PITPNC1: variants seen among roughly 807,000 people sequenced by gnomAD.
PITPNC1 encodes phosphatidylinositol transfer protein cytoplasmic 1, also known as cytoplasmic phosphatidylinositol transfer protein 1.
Under a neutral mutation model 44.7 loss-of-function variants are expected in PITPNC1, and 18 were observed. The ratio of observed to expected loss-of-function variants is 0.40; its 90% confidence interval spans 0.28 to 0.60. PITPNC1 has a LOEUF of 0.60. Ranked by LOEUF, PITPNC1 falls within the 20% of genes least tolerant of loss-of-function variation. The pLI is 0.39. For missense variants in PITPNC1, 290 were observed against 418.4 expected (o/e 0.69, Z 2.68); for synonymous variants, 141 against 149.6 (o/e 0.94, Z 0.42).
At chr17:67,496,167 G>T (rs1019428193) in intron 1 of PITPNC1, among the ~76,000 whole-genome samples, 4 of 152,104 alleles carry the variant, frequency 2.6e-5, no homozygotes, top group Non-Finnish European at 5.9e-5. Context: ...AAATGCTGGG[G>T]AGCACAACTT....
intron 8 of PITPNC1, among the ~76,000 whole-genome samples, chr17:67,681,277 G>A (rs2042699914): frequency 6.6e-6 from 1 of 152,090 alleles, no homozygotes. Flanking sequence ...TGCATATGTA[G>A]TCAACAGGAT....
chr17:67,649,478 A>G (rs964972852), intron 6 of PITPNC1, among the ~76,000 whole-genome samples: 2 of 152,190 alleles, frequency 1.3e-5, no homozygotes, highest in Non-Finnish European at 2.9e-5. Context: ...TGTGTCTCCA[A>G]CCAGTTCAAT....
chr17:67,566,891 G>A (rs2040987493), intron 4 of PITPNC1, among the ~76,000 whole-genome samples: 1 of 152,212 alleles, frequency 6.6e-6, no homozygotes, highest in Non-Finnish European at 1.5e-5. Context: ...GAGCTAGACA[G>A]CCTGGCTTGA....
intron 6 of PITPNC1, among the ~76,000 whole-genome samples, chr17:67,653,222 G>A (rs1339785053): frequency 6.6e-6 from 1 of 152,062 alleles, no homozygotes; most frequent in Non-Finnish European, 1.5e-5. Flanking sequence ...GTGGAGGTTG[G>A]ATGGCACCAC....
Position 67,693,102 on chromosome 17 carries a change from G to C in PITPNC1, c.*214G>C, listed in dbSNP as rs1051481994. On this transcript the variant is annotated 3_prime_UTR_variant, in exon 9 of 9. Coordinates refer to ENST00000581322, the MANE Select transcript of PITPNC1 (RefSeq NM_012417.4). Reference sequence around the variant, plus strand: ...GATGTAAGATGTAAGACTTGCAAAGGACAGAAGGAATCTTCTGTAACCACA... The same window carrying C: ...GATGTAAGATGTAAGACTTGCAAAGCACAGAAGGAATCTTCTGTAACCACA... 2 of 522,734 alleles carry C rather than the reference G, an allele frequency of 3.8e-6. No individual in the cohort carries two copies. The highest frequency in any genetic ancestry group is 6.7e-6 in the Non-Finnish European group (2 of 298,652). 32.4% of individuals were successfully genotyped at this position (522,734 alleles called of 1,614,324 possible).
At chr17:67,476,998 T>G (rs60577258) in intron 1 of PITPNC1, among the ~76,000 whole-genome samples, 3,719 of 152,316 alleles carry the variant, frequency 0.024, 131 homozygotes, top group East Asian at 0.12. Context: ...AGATGATTCC[T>G]GTGCATGGCG....
chr17:67,390,123 G>A lies in PITPNC1; in HGVS notation c.48+11921G>A, dbSNP rs547955999. Among the ~76,000 whole-genome samples the A allele has an allele frequency of 1.3e-3, 192 of 152,258 alleles. 3 individuals are homozygous for A. In the South Asian group the frequency reaches 0.019, roughly 15 times the overall value. On this transcript the variant is annotated intron_variant, in intron 1 of 8. Transcript: ENST00000581322. The stretch of plus-strand genomic sequence containing the variant: ...TGTAAATTGAAAAGTTACGGTCCCC[G>A]TCCATAAGGAGATGGCTCTGGTTGT...
chr17:67,641,470 C>T (rs1002636383), intron 6 of PITPNC1, among the ~76,000 whole-genome samples: 27 of 152,162 alleles, frequency 1.8e-4, no homozygotes, highest in African/African-American at 6.0e-4. Flanking sequence ...GTGCAGCACA[C>T]GCCTGTCTAG....
chr17:67,384,384 A>G (rs1403270416), intron 1 of PITPNC1, among the ~76,000 whole-genome samples: 1 of 151,492 alleles, frequency 6.6e-6, no homozygotes, highest in Non-Finnish European at 1.5e-5. Context: ...CTCTGGAATG[A>G]CATGAATGGA....
At chr17:67,552,839 A>C (rs1220527210) in intron 3 of PITPNC1, among the ~76,000 whole-genome samples, 1 of 151,284 alleles carries the variant, frequency 6.6e-6, no homozygotes, top group Non-Finnish European at 1.5e-5. Context: ...ATGGAGAAGG[A>C]AGGTGAAGAT....
At position 67,379,500 on chromosome 17, in the gene PITPNC1, T is replaced by C. The variant is rs372568056; in HGVS notation, c.48+1298T>C. On this transcript the variant is annotated intron_variant, in intron 1 of 8. Transcript: ENST00000581322. Reference sequence around the variant, plus strand: ...AGGGAGAGATCAGCTTCCACCAGAATGAACAACCGAGTTTTGGAGTTCGTT... The same window carrying C: ...AGGGAGAGATCAGCTTCCACCAGAACGAACAACCGAGTTTTGGAGTTCGTT... The C allele has an allele frequency of 1.7e-5, 7 of 409,276 alleles. No individual in the cohort carries two copies. In the East Asian group the frequency reaches 9.6e-4, roughly 56 times the overall value. 25.4% of individuals were successfully genotyped at this position (409,276 alleles called of 1,614,324 possible). A position where few individuals can be genotyped will look rare whatever the true frequency, so the allele number is the denominator to read the frequency against.
At chr17:67,443,626 C>G (rs1395925522) in intron 1 of PITPNC1, among the ~76,000 whole-genome samples, 1 of 133,614 alleles carries the variant, frequency 7.5e-6, no homozygotes, top group Non-Finnish European at 1.6e-5. Flanking sequence ...GCAGAGAGGA[C>G]ACTGGTCTTT....
At chr17:67,425,250 CACACACACACACA>C (rs2038744181) in intron 1 of PITPNC1, among the ~76,000 whole-genome samples, 1 of 117,774 alleles carries the variant, frequency 8.5e-6, no homozygotes, top group African/African-American at 3.5e-5. Context: ...CACACACACA[CACACACACACACA>C]GAGGGAGAGA....
rs1159310735 is a variant in PITPNC1 at position 67,409,071 on chromosome 17, CTT to C, written c.48+30892_48+30893del. Among the ~76,000 whole-genome samples the C allele has an allele frequency of 3.6e-3, 289 of 80,498 alleles. 1 individual carries two copies. Among genetic ancestry groups the C allele is most frequent in the African/African-American group, 0.014 (264 of 19,116 alleles). The allele number at this position is 80,498 out of a possible 152,430, so 52.8% of individuals were successfully genotyped here. A position where few individuals can be genotyped will look rare whatever the true frequency, so the allele number is the denominator to read the frequency against. ...TGTGGGGTAGGGGTCCAAATTCATTCTTTTTTTTTTTTTTTTTTTTTTTTGAG... is the reference window on the plus strand; with the variant it reads ...TGTGGGGTAGGGGTCCAAATTCATTCTTTTTTTTTTTTTTTTTTTTTTGAG... On this transcript the variant is annotated intron_variant, in intron 1 of 8. Transcript: ENST00000581322.
intron 4 of PITPNC1, among the ~76,000 whole-genome samples, chr17:67,572,567 A>C (rs2041076696): frequency 1.3e-5 from 2 of 150,408 alleles, no homozygotes; most frequent in Admixed American, 6.7e-5. Context: ...GTGTGAGCTT[A>C]CCACATGGTT....
At chr17:67,496,653 ACT>A (rs2039956307) in intron 1 of PITPNC1, among the ~76,000 whole-genome samples, 1 of 152,012 alleles carries the variant, frequency 6.6e-6, no homozygotes, top group Non-Finnish European at 1.5e-5. Context: ...TAATGGGTTC[ACT>A]CTGTGGGAGC....
At chr17:67,391,776 G>A (rs1405247986) in intron 1 of PITPNC1, among the ~76,000 whole-genome samples, 14 of 151,908 alleles carry the variant, frequency 9.2e-5, no homozygotes, top group Admixed American at 7.9e-4. Context: ...CCACCGCACC[G>A]GGCCAAAAAA....
intron 1 of PITPNC1, among the ~76,000 whole-genome samples, chr17:67,499,020 C>A (rs556341183): frequency 6.6e-6 from 1 of 152,036 alleles, no homozygotes; most frequent in South Asian, 2.1e-4. Flanking sequence ...TACAGGCACC[C>A]GCCACCATGC....
chr17:67,586,802 T>A (rs900968860), intron 5 of PITPNC1, among the ~76,000 whole-genome samples: 5 of 152,160 alleles, frequency 3.3e-5, no homozygotes, highest in African/African-American at 1.2e-4. Context: ...TGATTTATGT[T>A]TTAAAATGTT....
Sources: gnomAD v4.1 joint callset for allele counts (sites outside exome capture counted in the v4.1 genomes callset) on GRCh38, gnomAD v4.1.1 for gene constraint, MANE v1.5 for transcripts, NCBI Gene and HGNC (gene_info 2026-07-23, HGNC 2026-07-21) for gene names.